Variants in NOMO3 observed in about 807,000 individuals in gnomAD.
NOMO3 encodes NODAL modulator 3.
In NOMO3, 15 loss-of-function variants were observed where a neutral mutation model predicts 69.9. The observed-to-expected ratio is 0.21, with a 90% CI of 0.14 to 0.33. The LOEUF is 0.33. Ranked by LOEUF, NOMO3 falls within the 10% of genes least tolerant of loss-of-function variation. The pLI is 1.00. For synonymous variants in NOMO3, 89 were observed against 301.9 expected (o/e 0.29, Z 7.31); for missense variants, 218 against 761.0 (o/e 0.29, Z 8.39).
intron 2 of NOMO3, among the ~76,000 whole-genome samples, chr16:16,238,660 C>T (rs2049350249): frequency 1.4e-5 from 2 of 142,558 alleles, no homozygotes; most frequent in Non-Finnish European, 1.5e-5. Context: ...CATAACACAC[C>T]AGGAAATATT....
intron 11 of NOMO3, among the ~76,000 whole-genome samples, chr16:16,258,878 A>G (rs2141256653): frequency 1.4e-5 from 2 of 142,486 alleles, no homozygotes; most frequent in Admixed American, 6.8e-5. Context: ...AAAAAAAAAA[A>G]GAGTTATCAG....
In NOMO3 at chr16:16,263,327, G is replaced by A. The variant is rs2049580751; in HGVS notation, c.1537+112G>A. 31 of 1,584,430 alleles carry A rather than the reference G, an allele frequency of 2.0e-5. 1 individual carries two copies. The South Asian group carries it at 2.3e-4, about 12-fold the overall frequency. ...TTGTTGTTTGCTACTGATCACCTGC[G>A]TGCGAGGGAGGCTTCTTGGAGTCAG... is the stretch of plus-strand genomic sequence containing the variant. On this transcript the variant is annotated intron_variant, in intron 13 of 30. Coordinates refer to ENST00000399336, the MANE Select transcript of NOMO3 (RefSeq NM_001004067.4).
chr16:16,259,385 G>T lies in NOMO3; in HGVS notation c.1221-2117G>T, dbSNP rs559655733. 1.1e-4 allele frequency among the ~76,000 whole-genome samples: 15 copies of T among 142,092 alleles called. 2 individuals are homozygous for T. Among genetic ancestry groups the T allele is most frequent in the Admixed American group, 6.1e-4 (9 of 14,760 alleles). 93.2% of individuals were successfully genotyped at this position (142,092 alleles called of 152,430 possible). On this transcript the variant is annotated intron_variant, in intron 11 of 30. Transcript: ENST00000399336. ...TTTTGTTGAGCCAGGGTCTTACTCC[G>T]TTGCCCAGGCTGGAGTACGGTGGCG...
At chr16:16,244,153 C>G (rs1341139331) in intron 4 of NOMO3, among the ~76,000 whole-genome samples, 1 of 142,126 alleles carries the variant, frequency 7.0e-6, no homozygotes, top group East Asian at 2.3e-4. Flanking sequence ...TCCTGTCCTT[C>G]TCTTCATGAT....
intron 15 of NOMO3, among the ~76,000 whole-genome samples, chr16:16,265,670 A>ATGTATTTTT (rs1237877207): frequency 6.0e-5 from 1 of 16,680 alleles, no homozygotes; most frequent in African/African-American, 3.1e-4. Context: ...ATATATATAT[A>ATGTATTTTT]TTTTTTTTTT....
At chr16:16,262,777 GT>G (rs1452869048) in intron 12 of NOMO3, among the ~76,000 whole-genome samples, 2 of 140,386 alleles carry the variant, frequency 1.4e-5, no homozygotes, top group Non-Finnish European at 3.0e-5. Context: ...ATGTAGTATG[GT>G]TTCTAGTATG....
At chr16:16,265,295 C>T in intron 15 of NOMO3, 116 bp downstream of exon 15, 5 of 1,574,302 alleles carry the variant, frequency 3.2e-6, no homozygotes, top group Non-Finnish European at 4.3e-6. Context: ...CCTTTTCTGC[C>T]TCTGCACTCA....
chr16:16,235,755 T>C (rs2049320916), intron 1 of NOMO3: 16 of 429,882 alleles, frequency 3.7e-5, no homozygotes, highest in Admixed American at 2.7e-4. Flanking sequence ...TGATCCTCCT[T>C]CTTTGGCCTC....
chr16:16,258,982 G>A (rs970466649), intron 11 of NOMO3, among the ~76,000 whole-genome samples: 1 of 143,010 alleles, frequency 7.0e-6, no homozygotes, highest in African/African-American at 2.9e-5. Flanking sequence ...AAGCCATGGT[G>A]TGAATGGAGG....
chr16:16,237,121 C>A (rs1244522668), intron 2 of NOMO3, 131 bp downstream of exon 2: 8 of 800,116 alleles, frequency 1.0e-5, no homozygotes, highest in Non-Finnish European at 1.6e-5. Context: ...ATATGATAAT[C>A]CTAGCCACAT....
chr16:16,242,772 A>G (rs949005452), intron 3 of NOMO3, among the ~76,000 whole-genome samples: 4 of 143,656 alleles, frequency 2.8e-5, no homozygotes, highest in Non-Finnish European at 5.9e-5. Flanking sequence ...GTCTCTTAAG[A>G]TAATTGTGAG....
At position 16,240,643 on chromosome 16, in the gene NOMO3, G is replaced by A. The variant is rs570368662; in HGVS notation, c.301+747G>A. Among the ~76,000 whole-genome samples, 254 of 144,680 alleles carry A rather than the reference G, an allele frequency of 1.8e-3. 2 individuals are homozygous for A. The highest frequency in any genetic ancestry group is 3.1e-3 in the Admixed American group (46 of 14,860). The allele number at this position is 144,680 out of a possible 152,430, so 94.9% of individuals were successfully genotyped here. On this transcript the variant is annotated intron_variant, in intron 3 of 30. Coordinates refer to ENST00000399336, the MANE Select transcript of NOMO3 (RefSeq NM_001004067.4). ...ATCAGAAGAGAGGGTCTGTTTTGAT[G>A]TAGTTTACATTTTTGAAGAGGAGAG... is the stretch of plus-strand genomic sequence containing the variant.
chr16:16,254,840 G>C (rs553084331), intron 9 of NOMO3, among the ~76,000 whole-genome samples: 1 of 144,944 alleles, frequency 6.9e-6, no homozygotes, highest in South Asian at 2.2e-4. Flanking sequence ...CAGGCGAGTG[G>C]GGCACAGACA....
At chr16:16,237,738 TG>T (rs2049339299) in intron 2 of NOMO3, among the ~76,000 whole-genome samples, 1 of 143,918 alleles carries the variant, frequency 6.9e-6, no homozygotes. Context: ...TTAATAGTGA[TG>T]GGGTTTTGCC....
chr16:16,267,666 T>G (rs1282909204), intron 16 of NOMO3, among the ~76,000 whole-genome samples: 1 of 141,118 alleles, frequency 7.1e-6, no homozygotes, highest in Non-Finnish European at 1.5e-5. Flanking sequence ...ACTCCTGACC[T>G]AAAGTGATCC....
At chr16:16,235,593 C>T (rs1222721526) in intron 1 of NOMO3, among the ~76,000 whole-genome samples, 8 of 145,262 alleles carry the variant, frequency 5.5e-5, no homozygotes, top group Non-Finnish European at 1.2e-4. Context: ...CATAGCTCAC[C>T]AAAGCCTCTG....
chr16:16,274,016 C>T lies in NOMO3; in HGVS notation c.2297C>T (p.Thr766Ile). ...AGGTCTGGAGAGAAAATCACTGTTA[C>T]ACCGTCATCTAAAGAGCTGCTCTTT... The part of the protein sequence containing the change: ...WARSGEKITV[T>I]PSSKELLFYP... Residue 766 changes from threonine to isoleucine, a missense_variant, in exon 20 of 31, where the codon ACA becomes ATA. Thr to Ile is a moderately conservative substitution (Grantham distance 89, BLOSUM62 -1). Coordinates refer to ENST00000399336, the MANE Select transcript of NOMO3 (RefSeq NM_001004067.4). The T allele has an allele frequency of 2.0e-6, 3 of 1,471,664 alleles. 1 individual carries two copies. The highest frequency in any genetic ancestry group is 1.8e-6 in the Non-Finnish European group (2 of 1,098,894). 91.2% of individuals were successfully genotyped at this position (1,471,664 alleles called of 1,614,324 possible).
chr16:16,269,530 G>A (rs532744622), intron 16 of NOMO3, among the ~76,000 whole-genome samples: 1 of 140,026 alleles, frequency 7.1e-6, no homozygotes, highest in South Asian at 2.3e-4. Context: ...TTTGTAGGAA[G>A]TGTGGCCAAA....
chr16:16,263,657 A>C lies in NOMO3; in HGVS notation c.1669+13A>C. On this transcript the variant is annotated intron_variant, in intron 14 of 30. Transcript: ENST00000399336. ...GGAAAATACAAAAGTAAGAATTGGA[A>C]TGCAACATCCTGTGGCCCTCACACA... is the stretch of plus-strand genomic sequence containing the variant. The C allele has an allele frequency of 3.5e-6, 2 of 578,442 alleles. No homozygotes were observed. The highest frequency in any genetic ancestry group is 2.8e-6 in the Non-Finnish European group (1 of 352,790). The allele number at this position is 578,442 out of a possible 1,614,324, so 35.8% of individuals were successfully genotyped here.
Sources: gnomAD v4.1 joint callset for allele counts (sites outside exome capture counted in the v4.1 genomes callset) on GRCh38, gnomAD v4.1.1 for gene constraint, MANE v1.5 for transcripts, NCBI Gene and HGNC (gene_info 2026-07-23, HGNC 2026-07-21) for gene names.